RAPGEF6: variants seen among roughly 807,000 people sequenced by gnomAD.
RAPGEF6 encodes the protein PDZ domain containing guanine nucleotide exchange factor (GEF) 2.
A neutral mutation model predicts 171.4 loss-of-function variants in RAPGEF6; 56 were observed. The ratio of observed to expected loss-of-function variants is 0.33; its 90% CI spans 0.26 to 0.41. The LOEUF (loss-of-function observed/expected upper bound fraction) is 0.41, where lower values mean the gene tolerates loss of function less well. RAPGEF6 is among the 10% of genes least tolerant of loss of function. RAPGEF6 has a pLI of 1.00. For missense variants in RAPGEF6, 1,674 were observed against 1,921.4 expected, an observed-to-expected ratio of 0.87 and a Z score of 2.41; for synonymous variants, 692 against 650.1, an observed-to-expected ratio of 1.06 and a Z score of -0.98.
chr5:131,527,170 C>A (rs1758927079), intron 6 of RAPGEF6, among the ~76,000 whole-genome samples: 1 of 152,036 alleles, frequency 6.6e-6, no homozygotes, highest in African/African-American at 2.4e-5. Flanking sequence ...AGTGTACAGG[C>A]AACTTTTGGG....
intron 6 of RAPGEF6, among the ~76,000 whole-genome samples, chr5:131,529,183 AAAC>A (rs1202886106): frequency 1.3e-5 from 2 of 152,118 alleles, no homozygotes; most frequent in African/African-American, 4.8e-5. Context: ...TGCAATTAAA[AAAC>A]AACAACAGGC....
chr5:131,508,569 G>A (rs1757515967), intron 8 of RAPGEF6, among the ~76,000 whole-genome samples: 1 of 152,100 alleles, frequency 6.6e-6, no homozygotes, highest in Non-Finnish European at 1.5e-5. Context: ...CTTTTGTCTA[G>A]TTCTTACTAA....
intron 9 of RAPGEF6, among the ~76,000 whole-genome samples, chr5:131,506,279 T>C (rs1757366654): frequency 1.3e-5 from 2 of 152,198 alleles, no homozygotes; most frequent in Admixed American, 1.3e-4. Context: ...TAGCTGGGAC[T>C]ACAGGTGTCC....
chr5:131,553,070 G>T (rs892230732), intron 5 of RAPGEF6, among the ~76,000 whole-genome samples: 3 of 152,140 alleles, frequency 2.0e-5, no homozygotes, highest in Non-Finnish European at 2.9e-5. Context: ...AGCCCTAAGT[G>T]CCCTCCTCCC....
At chr5:131,518,201 C>CT (rs1446735045) in intron 7 of RAPGEF6, among the ~76,000 whole-genome samples, 1 of 151,614 alleles carries the variant, frequency 6.6e-6, no homozygotes, top group Admixed American at 6.6e-5. Context: ...AAAATACCTA[C>CT]TTATCTCATA....
At chr5:131,476,262 G>C (rs1318819110) in intron 16 of RAPGEF6, among the ~76,000 whole-genome samples, 1 of 152,034 alleles carries the variant, frequency 6.6e-6, no homozygotes, top group Non-Finnish European at 1.5e-5. Flanking sequence ...ATTAGAAACA[G>C]AACTACTGAA....
intron 15 of RAPGEF6, among the ~76,000 whole-genome samples, chr5:131,485,866 T>C (rs1755850265): frequency 6.6e-6 from 1 of 152,254 alleles, no homozygotes. Context: ...TCTGATATTC[T>C]GGAGCAACTG....
chr5:131,472,941 A>G (rs1754850892), intron 16 of RAPGEF6, 197 bp from the exon 17 acceptor site: 1 of 553,170 alleles, frequency 1.8e-6, no homozygotes, highest in East Asian at 3.0e-5. Context: ...ACATTAAAAT[A>G]AAATCTAACT....
rs1034577397 is a variant in RAPGEF6, at chr5:131,424,143, T to C, written c.*3123A>G. 3 of 152,348 alleles carry C rather than the reference T, an allele frequency of 2.0e-5. No individual in the cohort carries two copies. Among genetic ancestry groups the C allele is most frequent in the Non-Finnish European group, 2.9e-5 (2 of 68,026 alleles). 9.4% of individuals were successfully genotyped at this position (152,348 alleles called of 1,614,324 possible). A position where few individuals can be genotyped will look rare whatever the true frequency, so the allele number is the denominator to read the frequency against. On this transcript the variant is annotated 3_prime_UTR_variant, in exon 28 of 28. Transcript: ENST00000509018. ...TACAGGATACCTTACAATCAATGAA[T>C]TGTGCAGTAGAATTGCTATCTGATT...
intron 22 of RAPGEF6, among the ~76,000 whole-genome samples, chr5:131,446,203 A>G (rs1752678333): frequency 1.3e-5 from 2 of 152,232 alleles, no homozygotes; most frequent in African/African-American, 4.8e-5. Context: ...GAATATAAAA[A>G]TGTTCTCAAA....
chr5:131,510,205 G>T, intron 8 of RAPGEF6, 109 bp downstream of exon 8: 1 of 1,181,682 alleles, frequency 8.5e-7, no homozygotes, highest in Non-Finnish European at 1.2e-6. Flanking sequence ...TAAGATAATG[G>T]CTTAACACAA....
At chr5:131,513,636 G>C (rs747932611) in intron 7 of RAPGEF6, among the ~76,000 whole-genome samples, 3 of 152,192 alleles carry the variant, frequency 2.0e-5, no homozygotes, top group Non-Finnish European at 4.4e-5. Context: ...TTGGGACTGA[G>C]AGAAGGCTAC....
At chr5:131,505,826 C>G (rs1271162842) in intron 9 of RAPGEF6, among the ~76,000 whole-genome samples, 1 of 152,208 alleles carries the variant, frequency 6.6e-6, no homozygotes, top group Non-Finnish European at 1.5e-5. Context: ...ATGCCACCAA[C>G]TAGCTGAATG....
intron 1 of RAPGEF6, among the ~76,000 whole-genome samples, chr5:131,614,444 G>A (rs1765147508): frequency 6.6e-6 from 1 of 152,110 alleles, no homozygotes; most frequent in African/African-American, 2.4e-5. Flanking sequence ...AGGTGAAAGG[G>A]AAGCAAGCAC....
chr5:131,452,494 A>C (rs1753164032), intron 21 of RAPGEF6, among the ~76,000 whole-genome samples: 1 of 152,196 alleles, frequency 6.6e-6, no homozygotes, highest in Admixed American at 6.5e-5. Context: ...ACAGGAATGA[A>C]GTATGAATTA....
Position 131,472,696 on chromosome 5 carries a change from C to T in RAPGEF6, c.2130G>A (p.Arg710=), listed in dbSNP as rs1251602199. The stretch of plus-strand genomic sequence containing the variant: ...TTATAGCCAGACTATGCCTACAGTG[C>T]CTTGTTCCCACAATGCTGTCATCTT... ...QSQDDSIVGT[R]HCRHSLAIMP... is the part of the protein sequence containing the mutation. Residue 710 remains arginine (R), a synonymous_variant, in exon 17 of 28, where the codon AGG becomes AGA. Transcript: ENST00000509018. 6.2e-7 allele frequency: 1 copy of T among 1,612,680 alleles called. No individual in the cohort carries two copies.
At chr5:131,591,592 C>T (rs964157698) in intron 4 of RAPGEF6, among the ~76,000 whole-genome samples, 13 of 152,096 alleles carry the variant, frequency 8.5e-5, no homozygotes, top group African/African-American at 3.1e-4. Context: ...GAGTGTGAAC[C>T]CTTATAGACT....
At chr5:131,449,530 T>G (rs548556365) in intron 21 of RAPGEF6, among the ~76,000 whole-genome samples, 1 of 152,320 alleles carries the variant, frequency 6.6e-6, no homozygotes, top group African/African-American at 2.4e-5. Context: ...TATTTACTTT[T>G]ATAAAATGTG....
At chr5:131,533,478 C>T (rs1759546185) in intron 6 of RAPGEF6, among the ~76,000 whole-genome samples, 1 of 151,992 alleles carries the variant, frequency 6.6e-6, no homozygotes, top group African/African-American at 2.4e-5. Context: ...TCAGATGTCA[C>T]ATGTATTTGT....
Sources: gnomAD v4.1 joint callset for allele counts (sites outside exome capture counted in the v4.1 genomes callset) on GRCh38, gnomAD v4.1.1 for gene constraint, MANE v1.5 for transcripts, NCBI Gene and HGNC (gene_info 2026-07-23, HGNC 2026-07-21) for gene names.